The following RFX7 variants were observed in gnomAD, a reference collection of about 807,000 sequenced individuals.
RFX7 encodes the protein regulatory factor X7, also known as DNA-binding protein RFX7.
Under a neutral mutation model 111.8 loss-of-function variants are expected in RFX7, and 26 were observed. The observed-to-expected ratio is 0.23, with a 90% CI of 0.17 to 0.32. RFX7 has a LOEUF of 0.32. RFX7 is among the 10% of genes least tolerant of loss of function. The probability of loss-of-function intolerance (pLI) is 1.00; values close to 1 mark genes in which losing one functional copy is unlikely to be tolerated. For synonymous variants in RFX7, 624 were observed against 624.4 expected, an observed-to-expected ratio of 1.00 and a Z score of 0.01; for missense variants, 1,573 against 1,772.9, an observed-to-expected ratio of 0.89 and a Z score of 2.02.
intron 3 of RFX7, among the ~76,000 whole-genome samples, chr15:56,165,897 T>G (rs914759600): frequency 2.6e-5 from 4 of 152,164 alleles, no homozygotes; most frequent in Admixed American, 6.5e-5. Flanking sequence ...GTTTTAAGCC[T>G]TTGATCTCTG....
intron 2 of RFX7, among the ~76,000 whole-genome samples, chr15:56,221,261 C>A (rs1320475509): frequency 6.6e-6 from 1 of 152,158 alleles, no homozygotes; most frequent in Admixed American, 6.5e-5. Context: ...CTGTAAAATG[C>A]CTTGGGCAGT....
chr15:56,201,893 C>T (rs990487895), intron 2 of RFX7, among the ~76,000 whole-genome samples: 3 of 151,930 alleles, frequency 2.0e-5, no homozygotes, highest in Non-Finnish European at 2.9e-5. Flanking sequence ...TAGCTGGGCA[C>T]GGTGGCGGGC....
chr15:56,144,795 C>T (rs532246395), intron 3 of RFX7, among the ~76,000 whole-genome samples: 182 of 152,116 alleles, frequency 1.2e-3, no homozygotes, highest in Admixed American at 2.5e-3. Context: ...TTTTACTTGT[C>T]CTATAGGACA....
intron 5 of RFX7, among the ~76,000 whole-genome samples, chr15:56,104,876 A>C (rs985445168): frequency 6.6e-6 from 1 of 152,210 alleles, no homozygotes; most frequent in African/African-American, 2.4e-5. Context: ...ACTAATGCGT[A>C]CTGAAAGTTT....
At chr15:56,237,511 T>C (rs1180414044) in intron 2 of RFX7, among the ~76,000 whole-genome samples, 2 of 152,214 alleles carry the variant, frequency 1.3e-5, no homozygotes, top group East Asian at 1.9e-4. Context: ...ATGGAAAAAG[T>C]AATGCAACAT....
chr15:56,112,968 G>C (rs1435617746), intron 5 of RFX7, among the ~76,000 whole-genome samples: 1 of 152,216 alleles, frequency 6.6e-6, no homozygotes, highest in Non-Finnish European at 1.5e-5. Flanking sequence ...TCTCATGCCG[G>C]TCAGAATGGC....
chr15:56,148,334 TG>T (rs2042514418), intron 3 of RFX7, among the ~76,000 whole-genome samples: 1 of 152,250 alleles, frequency 6.6e-6, no homozygotes, highest in Non-Finnish European at 1.5e-5. Flanking sequence ...ACGGTTTTTC[TG>T]AACTTTTAGC....
At chr15:56,122,381 G>T (rs1457155028) in intron 5 of RFX7, among the ~76,000 whole-genome samples, 1 of 152,142 alleles carries the variant, frequency 6.6e-6, no homozygotes, top group Non-Finnish European at 1.5e-5. Flanking sequence ...CAAACAAATG[G>T]AGTCTCTCCC....
At chr15:56,237,705 T>C (rs1179678243) in intron 2 of RFX7, among the ~76,000 whole-genome samples, 1 of 152,198 alleles carries the variant, frequency 6.6e-6, no homozygotes, top group African/African-American at 2.4e-5. Flanking sequence ...TTTAAATATG[T>C]ACATATCCAC....
chr15:56,213,151 C>T (rs187371531), intron 2 of RFX7, among the ~76,000 whole-genome samples: 2 of 152,316 alleles, frequency 1.3e-5, no homozygotes, highest in African/African-American at 2.4e-5. Flanking sequence ...TATGACCAAG[C>T]AATTGTACTC....
intron 2 of RFX7, among the ~76,000 whole-genome samples, chr15:56,226,236 C>T (rs1191331671): frequency 6.6e-6 from 1 of 152,082 alleles, no homozygotes; most frequent in Non-Finnish European, 1.5e-5. Context: ...TTATTAAACA[C>T]AAGCTTTAAA....
At position 56,095,201 on chromosome 15, in the gene RFX7, A is replaced by C; in HGVS notation, c.2527T>G (p.Ser843Ala). 1 of 1,613,954 alleles carries C rather than the reference A, an allele frequency of 6.2e-7. No individual in the cohort carries two copies. ...GAATGTGCTTGTATTTGATTTAAAG[A>C]AGATTCCTGTATCTGGCTATGTAGC... is the stretch of plus-strand genomic sequence containing the variant. ...QQLHSQIQES[S>A]LNQIQAHSSD... The change falls in exon 10 of 10, where the codon TCT (serine) becomes GCT (alanine). Residue 843 changes from serine (S) to alanine (A), a missense_variant. By Grantham distance (99) the Ser-to-Ala change is moderately conservative. Transcript: ENST00000559447.
intron 5 of RFX7, among the ~76,000 whole-genome samples, chr15:56,115,088 G>A (rs964923328): frequency 6.6e-6 from 1 of 152,118 alleles, no homozygotes; most frequent in Non-Finnish European, 1.5e-5. Flanking sequence ...TCTGCTCACT[G>A]CAACCTCCAC....
At chr15:56,176,368 C>G in intron 3 of RFX7, among the ~76,000 whole-genome samples, 1 of 152,070 alleles carries the variant, frequency 6.6e-6, no homozygotes, top group East Asian at 1.9e-4. Context: ...TATACGTAGT[C>G]AAACTGTTAA....
intron 3 of RFX7, among the ~76,000 whole-genome samples, chr15:56,161,529 T>G (rs1019126411): frequency 1.3e-5 from 2 of 152,064 alleles, no homozygotes; most frequent in African/African-American, 4.8e-5. Context: ...CTAAAATATA[T>G]TTCGGTTTTC....
At chr15:56,150,676 C>A (rs967451953) in intron 3 of RFX7, among the ~76,000 whole-genome samples, 2 of 152,162 alleles carry the variant, frequency 1.3e-5, no homozygotes, top group Admixed American at 1.3e-4. Context: ...AGGATCACAA[C>A]CCCTCGCCAG....
rs988114967 is a variant in RFX7 at position 56,090,840 on chromosome 15, T to C, written c.*2505A>G. On this transcript the variant is annotated 3_prime_UTR_variant, in exon 10 of 10. Transcript: ENST00000559447. ...TTTTCAGTTCAAAAGTCAGTGCTTA[T>C]TGCAATTATATGCAAAATTATTTAC... 11 of 152,632 alleles carry C rather than the reference T, an allele frequency of 7.2e-5. No individual in the cohort carries two copies. Among genetic ancestry groups the C allele is most frequent in the African/African-American group, 2.7e-4 (11 of 41,462 alleles). The allele number at this position is 152,632 out of a possible 1,614,324, so 9.5% of individuals were successfully genotyped here.
chr15:56,196,611 G>A (rs1413208188), intron 2 of RFX7, among the ~76,000 whole-genome samples: 1 of 151,880 alleles, frequency 6.6e-6, no homozygotes, highest in African/African-American at 2.4e-5. Context: ...TGTATCTGAT[G>A]GAACGGATAC....
At position 56,213,632 on chromosome 15, in the gene RFX7, A is replaced by G. The variant is rs540514107; in HGVS notation, c.161+29493T>C. Among the ~76,000 whole-genome samples, 160 of 152,328 alleles carry G rather than the reference A, an allele frequency of 1.1e-3. 6 individuals carry two copies. The South Asian group carries it at 0.029, about 28-fold the overall frequency. On this transcript the variant is annotated intron_variant, in intron 2 of 9. Coordinates refer to ENST00000559447, the MANE Select transcript of RFX7 (RefSeq NM_022841.7). ...ACCGTATCAATGTTTTGGTTGTGAC[A>G]GTGTATGACGCTACAGATTTGCAAG... is the stretch of plus-strand genomic sequence containing the variant.
Sources: allele counts gnomAD v4.1 joint callset (sites outside exome capture counted in the v4.1 genomes callset), GRCh38; gene constraint gnomAD v4.1.1; transcripts MANE v1.5; gene names NCBI Gene and HGNC (gene_info 2026-07-23, HGNC 2026-07-21).